Variants in FRMD4A observed in about 807,000 individuals in gnomAD.
FRMD4A encodes FERM domain containing 4A, also known as FERM domain-containing protein 4A.
A neutral mutation model predicts 129.1 loss-of-function variants in FRMD4A; 29 were observed. The ratio of observed to expected loss-of-function variants is 0.22; its 90% CI spans 0.17 to 0.31. The LOEUF is 0.31. Ranked by LOEUF, FRMD4A falls within the 10% of genes least tolerant of loss-of-function variation. The probability of loss-of-function intolerance (pLI) is 1.00; values close to 1 mark genes in which losing one functional copy is unlikely to be tolerated. For missense variants in FRMD4A, 1,272 were observed against 1,375.8 expected (o/e 0.92, Z 1.19); for synonymous variants, 634 against 571.6 (o/e 1.11, Z -1.56).
intron 2 of FRMD4A, among the ~76,000 whole-genome samples, chr10:13,861,053 G>T (rs1354771967): frequency 2.0e-5 from 3 of 152,194 alleles, no homozygotes; most frequent in Non-Finnish European, 4.4e-5. Context: ...GCAAATGGAA[G>T]CAGGTGGCAG....
chr10:13,784,848 AG>A (rs898103008), intron 5 of FRMD4A, among the ~76,000 whole-genome samples: 11 of 152,158 alleles, frequency 7.2e-5, no homozygotes, highest in African/African-American at 1.9e-4. Context: ...AAAATTAGCC[AG>A]GGGTGGGTGT....
chr10:14,185,952 A>G (rs1386164844), intron 2 of FRMD4A, among the ~76,000 whole-genome samples: 1 of 152,198 alleles, frequency 6.6e-6, no homozygotes, highest in African/African-American at 2.4e-5. Context: ...AATGATGTGC[A>G]TCAGGTGAGA....
intron 2 of FRMD4A, among the ~76,000 whole-genome samples, chr10:14,126,320 T>A (rs2002207): frequency 3.3e-5 from 5 of 151,780 alleles, no homozygotes; most frequent in African/African-American, 9.7e-5. Flanking sequence ...ACAGGCGTGC[T>A]CCATGACACC....
chr10:14,306,889 C>A (rs933324287), intron 2 of FRMD4A, among the ~76,000 whole-genome samples: 1 of 152,028 alleles, frequency 6.6e-6, no homozygotes, highest in Admixed American at 6.5e-5. Flanking sequence ...GTGTATGGGG[C>A]GGGATGGGGA....
At chr10:13,948,456 A>T (rs1316909319) in intron 2 of FRMD4A, among the ~76,000 whole-genome samples, 1 of 152,114 alleles carries the variant, frequency 6.6e-6, no homozygotes, top group Non-Finnish European at 1.5e-5. Flanking sequence ...CACTAAAGGT[A>T]CTGATATCTC....
At chr10:13,977,364 T>C (rs1214002905) in intron 2 of FRMD4A, among the ~76,000 whole-genome samples, 1 of 152,214 alleles carries the variant, frequency 6.6e-6, no homozygotes, top group Non-Finnish European at 1.5e-5. Context: ...TTTCTTTCCA[T>C]CCACTGAATG....
chr10:13,930,618 C>T (rs574376475), intron 2 of FRMD4A, among the ~76,000 whole-genome samples: 78 of 152,228 alleles, frequency 5.1e-4, no homozygotes, highest in African/African-American at 1.6e-3. Flanking sequence ...CACTGCCAGA[C>T]GTTCCCGAAG....
intron 2 of FRMD4A, among the ~76,000 whole-genome samples, chr10:14,042,685 C>T (rs993210352): frequency 8.6e-5 from 13 of 151,784 alleles, no homozygotes; most frequent in East Asian, 3.9e-4. Context: ...GAAAACAGGC[C>T]GGCGCAGTGG....
intron 2 of FRMD4A, among the ~76,000 whole-genome samples, chr10:14,143,676 G>A (rs1839944268): frequency 6.6e-6 from 1 of 152,120 alleles, no homozygotes; most frequent in East Asian, 1.9e-4. Flanking sequence ...GTGCAATGGT[G>A]CGATCTGAGC....
chr10:13,673,871 G>C (rs920259613), intron 16 of FRMD4A, among the ~76,000 whole-genome samples: 6 of 149,386 alleles, frequency 4.0e-5, no homozygotes, highest in Non-Finnish European at 7.4e-5. Context: ...AACCTTTCAG[G>C]CTCAAGCGAT....
intron 15 of FRMD4A, among the ~76,000 whole-genome samples, chr10:13,678,797 G>T (rs2084223071): frequency 6.6e-6 from 1 of 152,106 alleles, no homozygotes; most frequent in Non-Finnish European, 1.5e-5. Context: ...TTTTTAATTG[G>T]CACATAATAT....
At chr10:14,109,808 C>A (rs550801183) in intron 2 of FRMD4A, among the ~76,000 whole-genome samples, 1 of 151,444 alleles carries the variant, frequency 6.6e-6, no homozygotes, top group East Asian at 2.0e-4. Flanking sequence ...CCTGTCTCTA[C>A]TAAAACTACA....
intron 2 of FRMD4A, among the ~76,000 whole-genome samples, chr10:14,084,992 C>T (rs538487512): frequency 6.6e-6 from 1 of 152,198 alleles, no homozygotes; most frequent in African/African-American, 2.4e-5. Flanking sequence ...GTAATGATCC[C>T]CTGATCTGTT....
intron 14 of FRMD4A, among the ~76,000 whole-genome samples, chr10:13,695,045 T>C (rs372743807): frequency 3.3e-4 from 50 of 152,328 alleles, no homozygotes; most frequent in African/African-American, 1.1e-3. Flanking sequence ...TTAATCCACG[T>C]TGACTGGCTC....
chr10:13,781,113 G>A (rs913697122), intron 6 of FRMD4A, among the ~76,000 whole-genome samples: 5 of 151,924 alleles, frequency 3.3e-5, no homozygotes, highest in Non-Finnish European at 7.4e-5. Context: ...GACCAGCCTG[G>A]CCAACATGGT....
intron 2 of FRMD4A, chr10:14,097,141 CAAAAAAAAAAA>C (rs1157975128): frequency 1.3e-4 from 2 of 14,984 alleles, no homozygotes; most frequent in African/African-American, 5.6e-4. Context: ...GACTCCATCT[CAAAAAAAAAAA>C]AAAAAAAAAA....
At chr10:14,017,122 C>A (rs1376521030) in intron 2 of FRMD4A, among the ~76,000 whole-genome samples, 1 of 152,174 alleles carries the variant, frequency 6.6e-6, no homozygotes, top group African/African-American at 2.4e-5. Flanking sequence ...GGCTATTCTA[C>A]ATGGTAGTAA....
intron 3 of FRMD4A, among the ~76,000 whole-genome samples, chr10:13,858,448 A>T (rs1479322208): frequency 6.6e-6 from 1 of 152,224 alleles, no homozygotes; most frequent in Non-Finnish European, 1.5e-5. Flanking sequence ...AACAAAACAA[A>T]ACAAAAAAAC....
chr10:13,698,266 C>G (rs187606509), intron 14 of FRMD4A, among the ~76,000 whole-genome samples: 491 of 152,282 alleles, frequency 3.2e-3, no homozygotes, highest in African/African-American at 0.011. Context: ...GGTTGATAAA[C>G]ATCATTTGGG....
Sources: allele counts gnomAD v4.1 joint callset (sites outside exome capture counted in the v4.1 genomes callset), GRCh38; gene constraint gnomAD v4.1.1; transcripts MANE v1.5; gene names NCBI Gene and HGNC (gene_info 2026-07-23, HGNC 2026-07-21).